SCML4: variants seen among roughly 807,000 people sequenced by gnomAD.
SCML4 encodes sex comb on midleg-like protein 4.
A neutral mutation model predicts 41.1 loss-of-function variants in SCML4; 34 were observed. That is an observed-to-expected ratio of 0.83 (90% CI 0.63 to 1.10). The LOEUF is 1.10. Among genes scored for constraint, SCML4 ranks in the 50% least tolerant of loss-of-function variants. The pLI is 0.00. For missense variants in SCML4, 522 were observed against 534.1 expected (o/e 0.98, Z 0.22); for synonymous variants, 214 against 220.9 (o/e 0.97, Z 0.28).
At chr6:107,750,683 T>A (rs1403305423) in intron 2 of SCML4, among the ~76,000 whole-genome samples, 1 of 152,164 alleles carries the variant, frequency 6.6e-6, no homozygotes, top group African/African-American at 2.4e-5. Flanking sequence ...TAATACACAG[T>A]TAAGGCTGGG....
intron 2 of SCML4, among the ~76,000 whole-genome samples, chr6:107,757,607 C>T (rs1190933184): frequency 6.6e-6 from 1 of 152,166 alleles, no homozygotes; most frequent in African/African-American, 2.4e-5. Flanking sequence ...GATTCTGAAG[C>T]TTAGTACTTA....
At chr6:107,779,427 G>A (rs1781310449) in intron 1 of SCML4, among the ~76,000 whole-genome samples, 2 of 152,154 alleles carry the variant, frequency 1.3e-5, no homozygotes, top group South Asian at 4.1e-4. Flanking sequence ...GAGGCACAGG[G>A]CTGGTGATGA....
intron 5 of SCML4, among the ~76,000 whole-genome samples, chr6:107,728,022 C>T (rs974401309): frequency 2.0e-5 from 3 of 151,924 alleles, no homozygotes; most frequent in Admixed American, 2.0e-4. Flanking sequence ...GTAAGGCTGC[C>T]GTTACACAGA....
At chr6:107,827,929 C>G (rs931535205), upstream of SCML4, among the ~76,000 whole-genome samples, 1 of 152,210 alleles carries the variant, frequency 6.6e-6, no homozygotes, top group African/African-American at 2.4e-5. Context: ...ACACAAGCAT[C>G]CGATCGAGAG....
intron 6 of SCML4, chr6:107,719,810 C>G: frequency 1.3e-6 from 1 of 758,958 alleles, no homozygotes; most frequent in Non-Finnish European, 1.6e-6. Flanking sequence ...CAGGAAGCAG[C>G]AGATCCAGCA....
chr6:107,727,298 T>A (rs1442907855), intron 5 of SCML4, among the ~76,000 whole-genome samples: 1 of 152,220 alleles, frequency 6.6e-6, no homozygotes, highest in African/African-American at 2.4e-5. Context: ...GGGAGGTTTC[T>A]TTGAGGTGAT....
At chr6:107,713,202 C>T (rs1042333825) in intron 6 of SCML4, among the ~76,000 whole-genome samples, 2 of 152,220 alleles carry the variant, frequency 1.3e-5, no homozygotes, top group Non-Finnish European at 2.9e-5. Context: ...TCCATACGTA[C>T]ATAATTTCCT....
upstream of SCML4, among the ~76,000 whole-genome samples, chr6:107,824,492 GTGTGTGTGT>G (rs1785170624): frequency 7.0e-6 from 1 of 142,986 alleles, no homozygotes; most frequent in Non-Finnish European, 1.5e-5. Context: ...GTGTGTGTGT[GTGTGTGTGT>G]GTGTGTGTGT....
chr6:107,763,527 T>G (rs1301888644), intron 2 of SCML4, among the ~76,000 whole-genome samples: 1 of 151,942 alleles, frequency 6.6e-6, no homozygotes, highest in Non-Finnish European at 1.5e-5. Context: ...GCTGGGATTA[T>G]GGGCACCCGC....
upstream of SCML4, among the ~76,000 whole-genome samples, chr6:107,825,278 T>A (rs976524371): frequency 6.6e-5 from 10 of 152,188 alleles, no homozygotes; most frequent in African/African-American, 2.2e-4. Flanking sequence ...CTCCTAGGGA[T>A]GAGCAGCAAA....
chr6:107,726,473 C>T (rs1299126848), intron 5 of SCML4, among the ~76,000 whole-genome samples: 2 of 133,016 alleles, frequency 1.5e-5, no homozygotes, highest in South Asian at 2.3e-4. Context: ...GTGGAGCTTG[C>T]AGTGAGCTGA....
At chr6:107,836,178 A>G in the SCML4 span, among the ~76,000 whole-genome samples, 1 of 152,156 alleles carries the variant, frequency 6.6e-6, no homozygotes. Flanking sequence ...AACAGAATAA[A>G]TTTCTTAAAA....
intron 1 of SCML4, among the ~76,000 whole-genome samples, chr6:107,800,797 G>A (rs1475310201): frequency 1.3e-5 from 2 of 152,118 alleles, no homozygotes; most frequent in African/African-American, 4.8e-5. Context: ...GTCTGGAAGA[G>A]GAAAAAAGGA....
chr6:107,826,935 C>T (rs945411185), upstream of SCML4, among the ~76,000 whole-genome samples: 9 of 152,002 alleles, frequency 5.9e-5, no homozygotes, highest in Admixed American at 3.3e-4. Flanking sequence ...TGGTGGCAGG[C>T]GCCTGTAGTC....
chr6:107,822,387 T>A (rs1785005002), intron 1 of SCML4, among the ~76,000 whole-genome samples: 1 of 152,132 alleles, frequency 6.6e-6, no homozygotes, highest in South Asian at 2.1e-4. Flanking sequence ...TCTGCTGATT[T>A]CCCTCGCCTC....
intron 2 of SCML4, chr6:107,755,650 T>G: frequency 3.0e-6 from 4 of 1,322,892 alleles, no homozygotes; most frequent in Non-Finnish European, 4.0e-6. Flanking sequence ...TTGTCTTTGT[T>G]GTTGCCTTAG....
intron 6 of SCML4, among the ~76,000 whole-genome samples, chr6:107,709,192 C>A (rs1370285863): frequency 2.0e-5 from 3 of 152,194 alleles, no homozygotes; most frequent in African/African-American, 7.2e-5. Context: ...CTTACCAACA[C>A]ACTGAGTCCT....
chr6:107,740,739 A>G (rs1031154561), intron 5 of SCML4, among the ~76,000 whole-genome samples: 2 of 152,244 alleles, frequency 1.3e-5, no homozygotes, highest in Non-Finnish European at 2.9e-5. Flanking sequence ...GCATTTGTCC[A>G]TGCCCATGCA....
In SCML4 at chr6:107,745,142, G is replaced by A; in HGVS notation, c.489C>T (p.Val163=). ...GCTGTTTGCCATCAAAGGAAGCCGA[G>A]ACTGGAAAACCAGAGAGATGTCAGC... ...KQGYGGEMVS[V]SASFDGKQHL... is the part of the protein sequence containing the mutation. The change falls in exon 5 of 8, where the codon GTC becomes GTT. Residue 163 remains valine, a splice_region_variant and synonymous_variant. Transcript: ENST00000369020. The A allele has an allele frequency of 6.4e-7, 1 of 1,565,610 alleles. No individual in the cohort carries two copies. The highest frequency in any genetic ancestry group is 8.7e-7 in the Non-Finnish European group (1 of 1,154,006).
Sources: gnomAD v4.1 joint callset for allele counts (sites outside exome capture counted in the v4.1 genomes callset) on GRCh38, gnomAD v4.1.1 for gene constraint, MANE v1.5 for transcripts, NCBI Gene and HGNC (gene_info 2026-07-23, HGNC 2026-07-21) for gene names.